The following ENTPD1 variants were observed in gnomAD, a reference collection of about 807,000 sequenced individuals.
The protein encoded by ENTPD1 is ectonucleoside triphosphate diphosphohydrolase 1.
A neutral mutation model predicts 57.0 loss-of-function variants in ENTPD1; 33 were observed. The ratio of observed to expected loss-of-function variants is 0.58; its 90% CI spans 0.44 to 0.77. The LOEUF (loss-of-function observed/expected upper bound fraction) is 0.77. Among genes scored for constraint, ENTPD1 ranks in the 30% least tolerant of loss-of-function variants. The pLI, the probability that ENTPD1 is intolerant of heterozygous loss-of-function variation, is 0.00. For synonymous variants in ENTPD1, 202 were observed against 218.8 expected (o/e 0.92, Z 0.68); for missense variants, 501 against 603.4 (o/e 0.83, Z 1.78).
chr10:95,729,404 G>GT (rs1194587446), intron 1 of ENTPD1, among the ~76,000 whole-genome samples: 1 of 152,190 alleles, frequency 6.6e-6, no homozygotes. Context: ...TTAAGCTGCT[G>GT]TATGTGTTAT....
At chr10:95,834,154 C>G (rs1018763098) in intron 2 of ENTPD1, among the ~76,000 whole-genome samples, 1 of 152,158 alleles carries the variant, frequency 6.6e-6, no homozygotes, top group African/African-American at 2.4e-5. Context: ...TTCCAACCCC[C>G]TCATTTATCC....
Position 95,871,709 on chromosome 10 carries a change from T to G in ENTPD1, c.*5326T>G. ...ATTAAGTTATAAATTGACACTATAA[T>G]CAACTGACACCATGATCAGTGATGA... On this transcript the variant is annotated 3_prime_UTR_variant, in exon 10 of 10. Transcript: ENST00000371205. 1.0e-6 allele frequency: 1 copy of G among 985,444 alleles called. No homozygotes were observed. The highest frequency in any genetic ancestry group is 1.7e-5 in the African/African-American group (1 of 57,360). The allele number at this position is 985,444 out of a possible 1,614,324, so 61.0% of individuals were successfully genotyped here.
At chr10:95,736,493 C>T (rs912713519) in intron 1 of ENTPD1, among the ~76,000 whole-genome samples, 1 of 152,070 alleles carries the variant, frequency 6.6e-6, no homozygotes, top group Non-Finnish European at 1.5e-5. Flanking sequence ...TCCTTTCCCA[C>T]CCCTCCAGCC....
At chr10:95,743,492 TAG>T (rs2098002538) in intron 1 of ENTPD1, among the ~76,000 whole-genome samples, 1 of 152,214 alleles carries the variant, frequency 6.6e-6, no homozygotes, top group South Asian at 2.1e-4. Context: ...CTTTACCTCC[TAG>T]AGAGTGGAGT....
intron 1 of ENTPD1, among the ~76,000 whole-genome samples, chr10:95,722,633 C>G (rs560483475): frequency 7.7e-5 from 9 of 117,442 alleles, no homozygotes; most frequent in African/African-American, 3.0e-4. Flanking sequence ...ACATCACACT[C>G]TGGGGACTGT....
At chr10:95,862,019 TTC>T (rs1416166598) in intron 8 of ENTPD1, among the ~76,000 whole-genome samples, 2 of 151,056 alleles carry the variant, frequency 1.3e-5, no homozygotes, top group Non-Finnish European at 3.0e-5. Flanking sequence ...AAAAAAAAAG[TTC>T]TGTCAGGTTT....
intron 1 of ENTPD1, among the ~76,000 whole-genome samples, chr10:95,806,495 G>C (rs546175783): frequency 6.6e-6 from 1 of 152,150 alleles, no homozygotes. Flanking sequence ...CTGTCAACTC[G>C]TCAAAGTCAT....
chr10:95,796,446 A>AG (rs1485575811), intron 1 of ENTPD1, among the ~76,000 whole-genome samples: 18 of 152,132 alleles, frequency 1.2e-4, no homozygotes, highest in African/African-American at 4.1e-4. Context: ...TAAATAAGAG[A>AG]GGAAAGAATA....
intron 1 of ENTPD1, among the ~76,000 whole-genome samples, chr10:95,765,231 G>C (rs10736091): frequency 1 from 151,866 of 152,346 alleles, 75,694 homozygotes; most frequent in Middle Eastern, 1. Flanking sequence ...GGTTCTTATG[G>C]TTTTGTTGTC....
rs560726102 is a variant in ENTPD1, at chr10:95,847,987, C to A, written c.1074+281C>A. On this transcript the variant is annotated intron_variant, in intron 7 of 9. Coordinates refer to ENST00000371205, the MANE Select transcript of ENTPD1 (RefSeq NM_001776.6). The stretch of plus-strand genomic sequence containing the variant: ...CTAGGCAGCACCTTAAGCCCAGGTT[C>A]ATCTCCTTTCTAGTCAACAATAAGA... 9.8e-5 allele frequency among the ~76,000 whole-genome samples: 15 copies of A among 152,286 alleles called. No homozygotes were observed. In the South Asian group the frequency reaches 2.9e-3, roughly 29 times the overall value.
chr10:95,702,655 C>T, the ENTPD1 span, among the ~76,000 whole-genome samples: 1 of 151,994 alleles, frequency 6.6e-6, no homozygotes, highest in Admixed American at 6.6e-5. Context: ...CTCTACAAAA[C>T]CCAAACAAGA....
chr10:95,868,907 T>TA lies in ENTPD1; in HGVS notation c.*2528dup. The TA allele has an allele frequency of 1.0e-6, 1 of 985,312 alleles. No individual in the cohort carries two copies. The highest frequency in any genetic ancestry group is 1.2e-6 in the Non-Finnish European group (1 of 829,910). 61.0% of individuals were successfully genotyped at this position (985,312 alleles called of 1,614,324 possible). On this transcript the variant is annotated 3_prime_UTR_variant, in exon 10 of 10. Transcript: ENST00000371205. ...TATTTGGGAGCCAAACTCAACTTGT[T>TA]AAAATCTCAAATTATGGAGACAATC... is the stretch of plus-strand genomic sequence containing the variant.
chr10:95,873,660 G>C lies in ENTPD1; in HGVS notation c.*7277G>C. 3 of 985,394 alleles carry C rather than the reference G, an allele frequency of 3.0e-6. No homozygotes were observed. In the African/African-American group the frequency reaches 5.2e-5, roughly 17 times the overall value. The allele number at this position is 985,394 out of a possible 1,614,324, so 61.0% of individuals were successfully genotyped here. A position where few individuals can be genotyped will look rare whatever the true frequency, so the allele number is the denominator to read the frequency against. On this transcript the variant is annotated 3_prime_UTR_variant, in exon 10 of 10. Transcript: ENST00000371205. Reference sequence around the variant, plus strand: ...TACTAGGGATGAAACAGCTAATCATGTTCAATAGTTACATTTAGATTGGTT... The same window carrying C: ...TACTAGGGATGAAACAGCTAATCATCTTCAATAGTTACATTTAGATTGGTT...
intron 1 of ENTPD1, among the ~76,000 whole-genome samples, chr10:95,742,650 T>C (rs890390375): frequency 3.3e-5 from 5 of 152,122 alleles, no homozygotes; most frequent in African/African-American, 1.2e-4. Flanking sequence ...TTCCGTGTCT[T>C]GGCACACAGC....
rs548341914 is a variant in ENTPD1 at position 95,870,067 on chromosome 10, T to A, written c.*3684T>A. The A allele has an allele frequency of 3.0e-6, 3 of 985,396 alleles. No individual in the cohort carries two copies. The highest frequency in any genetic ancestry group is 3.6e-6 in the Non-Finnish European group (3 of 829,880). 61.0% of individuals were successfully genotyped at this position (985,396 alleles called of 1,614,324 possible). Reference sequence around the variant, plus strand: ...TATAGATGCTGTAACATTCTTGCTATTATTTATTATATATGACATTATTCC... The same window carrying A: ...TATAGATGCTGTAACATTCTTGCTAATATTTATTATATATGACATTATTCC... On this transcript the variant is annotated 3_prime_UTR_variant, in exon 10 of 10. Coordinates refer to ENST00000371205, the MANE Select transcript of ENTPD1 (RefSeq NM_001776.6).
chr10:95,699,611 A>G, the ENTPD1 span, among the ~76,000 whole-genome samples: 2 of 120,714 alleles, frequency 1.7e-5, no homozygotes, highest in Non-Finnish European at 4.0e-5. Context: ...CTGTCCAAAA[A>G]AAAAGAAAGA....
intron 9 of ENTPD1, 80 bp downstream of exon 9, chr10:95,864,941 G>C (rs1490441894): frequency 2.6e-6 from 4 of 1,522,902 alleles, no homozygotes; most frequent in Non-Finnish European, 3.6e-6. Context: ...TTGAAAAAGG[G>C]GGGAGTCAGC....
In ENTPD1 at chr10:95,810,452, C is replaced by T. The variant is rs183590108; in HGVS notation, c.17-12785C>T. On this transcript the variant is annotated intron_variant, in intron 1 of 9. Transcript: ENST00000371205. ...CTCCTCACTTCCCGGATAGGGCAGC[C>T]GGGCAGAGGCGCTCCTCACTTCCCG... is the stretch of plus-strand genomic sequence containing the variant. 2.8e-3 allele frequency among the ~76,000 whole-genome samples: 404 copies of T among 142,542 alleles called. 3 individuals are homozygous for T. Among genetic ancestry groups the T allele is most frequent in the African/African-American group, 0.01 (380 of 37,898 alleles). The allele number at this position is 142,542 out of a possible 152,430, so 93.5% of individuals were successfully genotyped here.
chr10:95,864,256 T>C (rs757781166), intron 8 of ENTPD1, among the ~76,000 whole-genome samples: 1 of 152,212 alleles, frequency 6.6e-6, no homozygotes, highest in Non-Finnish European at 1.5e-5. Flanking sequence ...ATGCAGATTC[T>C]GAATTGGTAG....
Sources: allele counts gnomAD v4.1 joint callset (sites outside exome capture counted in the v4.1 genomes callset), GRCh38; gene constraint gnomAD v4.1.1; transcripts MANE v1.5; gene names NCBI Gene and HGNC (gene_info 2026-07-23, HGNC 2026-07-21).